CNTNAP5: variants seen among roughly 807,000 people sequenced by gnomAD.
CNTNAP5 encodes the protein contactin associated protein family member 5.
Under a neutral mutation model 150.2 loss-of-function variants are expected in CNTNAP5, and 72 were observed. That is an observed-to-expected ratio of 0.48 (90% CI 0.40 to 0.58). The LOEUF (loss-of-function observed/expected upper bound fraction) is 0.58, where lower values mean the gene tolerates loss of function less well. Among genes scored for constraint, CNTNAP5 ranks in the 20% least tolerant of loss-of-function variants. The pLI is 0.00. For missense variants in CNTNAP5, 1,636 were observed against 1,626.2 expected (o/e 1.01, Z -0.10); for synonymous variants, 672 against 619.8 (o/e 1.08, Z -1.25).
At position 124,185,760 on chromosome 2, in the gene CNTNAP5, A is replaced by G. The variant is rs1685319184; in HGVS notation, c.83-35945A>G. On this transcript the variant is annotated intron_variant, in intron 1 of 23. Transcript: ENST00000682447. ...CTGCACCATCCTTGGCTCCTCTTTT[A>G]TGAACCCTCAGGGTGTGAGTTCAGT... Among the ~76,000 whole-genome samples, 3 of 152,140 alleles carry G rather than the reference A, an allele frequency of 2.0e-5. No homozygotes were observed. The South Asian group carries it at 6.2e-4, about 32-fold the overall frequency.
At chr2:124,605,035 A>C (rs1402812559) in intron 11 of CNTNAP5, among the ~76,000 whole-genome samples, 2 of 152,140 alleles carry the variant, frequency 1.3e-5, no homozygotes, top group East Asian at 3.9e-4. Flanking sequence ...ATCAGCAAAC[A>C]TCATGCAAGC....
At chr2:124,827,147 C>A (rs1682612923) in intron 19 of CNTNAP5, among the ~76,000 whole-genome samples, 1 of 152,110 alleles carries the variant, frequency 6.6e-6, no homozygotes, top group South Asian at 2.1e-4. Context: ...TGGTCTCAAA[C>A]TCCTGGGTTC....
intron 11 of CNTNAP5, among the ~76,000 whole-genome samples, chr2:124,583,005 C>G (rs756194520): frequency 5.3e-5 from 8 of 151,810 alleles, no homozygotes; most frequent in Non-Finnish European, 7.4e-5. Context: ...CTTTTTTTTC[C>G]AGCTTGACAC....
intron 16 of CNTNAP5, among the ~76,000 whole-genome samples, chr2:124,765,823 C>G (rs4990879): frequency 0.65 from 98,333 of 151,602 alleles, 32,621 homozygotes; most frequent in East Asian, 0.96. Flanking sequence ...ACGTGTGGTG[C>G]CAGGTGCCTG....
chr2:124,492,837 AATTT>A (rs1694063187), intron 7 of CNTNAP5, among the ~76,000 whole-genome samples: 1 of 151,394 alleles, frequency 6.6e-6, no homozygotes, highest in South Asian at 2.1e-4. Context: ...CAACTTTAGG[AATTT>A]ATTTATTAGT....
At chr2:124,827,502 C>G (rs1682621305) in intron 19 of CNTNAP5, among the ~76,000 whole-genome samples, 1 of 152,186 alleles carries the variant, frequency 6.6e-6, no homozygotes, top group Non-Finnish European at 1.5e-5. Context: ...CCCACGTGAA[C>G]TGAGACATCC....
chr2:124,702,022 T>C (rs1679532116), intron 13 of CNTNAP5, among the ~76,000 whole-genome samples: 1 of 152,124 alleles, frequency 6.6e-6, no homozygotes, highest in East Asian at 1.9e-4. Context: ...CTACAATTAA[T>C]ATTTTCTCTT....
chr2:124,270,151 A>T (rs1192651556), intron 3 of CNTNAP5, among the ~76,000 whole-genome samples: 2 of 152,090 alleles, frequency 1.3e-5, no homozygotes, highest in African/African-American at 4.8e-5. Flanking sequence ...CCCCGTCTCT[A>T]CTAAAATACA....
At chr2:124,553,244 C>T (rs1211103651) in intron 10 of CNTNAP5, among the ~76,000 whole-genome samples, 1 of 152,154 alleles carries the variant, frequency 6.6e-6, no homozygotes, top group Non-Finnish European at 1.5e-5. Context: ...TGGCTCACAC[C>T]TGCAATCCCA....
chr2:124,148,955 C>T (rs1684335051), intron 1 of CNTNAP5, among the ~76,000 whole-genome samples: 1 of 151,924 alleles, frequency 6.6e-6, no homozygotes, highest in African/African-American at 2.4e-5. Flanking sequence ...TATAGGCACA[C>T]ACACTCAAAT....
intron 3 of CNTNAP5, among the ~76,000 whole-genome samples, chr2:124,345,262 T>C (rs1053958807): frequency 6.6e-6 from 1 of 152,224 alleles, no homozygotes; most frequent in African/African-American, 2.4e-5. Context: ...TCTTCTAAGG[T>C]ATTCTAACTA....
chr2:124,610,954 CAAA>C (rs57941026), intron 12 of CNTNAP5, among the ~76,000 whole-genome samples: 5,378 of 141,210 alleles, frequency 0.038, 86 homozygotes, highest in Middle Eastern at 0.058. Context: ...GACACCGTCT[CAAA>C]AAAAAAAAAA....
At chr2:124,413,974 G>A (rs11888069) in intron 3 of CNTNAP5, among the ~76,000 whole-genome samples, 141 of 152,114 alleles carry the variant, frequency 9.3e-4, no homozygotes, top group African/African-American at 3.3e-3. Context: ...GAGATGGAGT[G>A]AGGAGGGGAA....
At chr2:124,477,610 A>G (rs894883274) in intron 7 of CNTNAP5, among the ~76,000 whole-genome samples, 1 of 151,254 alleles carries the variant, frequency 6.6e-6, no homozygotes, top group Non-Finnish European at 1.5e-5. Context: ...ACATGAGCTT[A>G]GGTCAACCAT....
At chr2:124,635,061 G>T (rs1677944553) in intron 12 of CNTNAP5, among the ~76,000 whole-genome samples, 1 of 152,056 alleles carries the variant, frequency 6.6e-6, no homozygotes, top group South Asian at 2.1e-4. Context: ...GTCCATTCTT[G>T]CACTGCTGTA....
At chr2:124,900,797 G>A (rs868855906) in intron 21 of CNTNAP5, among the ~76,000 whole-genome samples, 1 of 151,520 alleles carries the variant, frequency 6.6e-6, no homozygotes. Context: ...AAAACCTCAT[G>A]ATAGTTTATG....
At position 124,263,255 on chromosome 2, in the gene CNTNAP5, A is replaced by G. The variant is rs575776030; in HGVS notation, c.381+20862A>G. ...TTCCACAATGGTTGAACTAGTTTAC[A>G]GTCCCACCAACAGTGTAAAAGTGTT... is the stretch of plus-strand genomic sequence containing the variant. On this transcript the variant is annotated intron_variant, in intron 3 of 23. Coordinates refer to ENST00000682447, the MANE Select transcript of CNTNAP5 (RefSeq NM_001367498.1). 5.6e-3 allele frequency among the ~76,000 whole-genome samples: 850 copies of G among 152,338 alleles called. 6 individuals are homozygous for G. The highest frequency in any genetic ancestry group is 0.013 in the African/African-American group (561 of 41,572).
intron 17 of CNTNAP5, among the ~76,000 whole-genome samples, chr2:124,788,603 CTT>C (rs371311629): frequency 1.5e-4 from 20 of 136,302 alleles, no homozygotes; most frequent in Admixed American, 4.4e-4. Context: ...TTCTTTCTTT[CTT>C]TTTTTTTTTT....
intron 13 of CNTNAP5, among the ~76,000 whole-genome samples, chr2:124,674,570 T>A (rs868744169): frequency 7.8e-6 from 1 of 127,798 alleles, no homozygotes; most frequent in East Asian, 2.2e-4. Context: ...TTCCTTTCTT[T>A]CTTTCTTTTC....
Sources: allele counts gnomAD v4.1 joint callset (sites outside exome capture counted in the v4.1 genomes callset), GRCh38; gene constraint gnomAD v4.1.1; transcripts MANE v1.5; gene names NCBI Gene and HGNC (gene_info 2026-07-23, HGNC 2026-07-21).